TRPC7: variants seen among roughly 807,000 people sequenced by gnomAD.
TRPC7 encodes the protein short transient receptor potential channel 7.
TRPC7 carries 42 observed loss-of-function variants against 90.1 expected under a neutral mutation model. The observed-to-expected ratio is 0.47, with a 90% CI of 0.36 to 0.60. TRPC7 has a LOEUF of 0.60. TRPC7 is among the 20% of genes least tolerant of loss of function. The pLI is 0.00. For synonymous variants in TRPC7, 451 were observed against 436.3 expected (o/e 1.03, Z -0.42); for missense variants, 955 against 1,112.3 (o/e 0.86, Z 2.01).
At chr5:136,290,470 C>T (rs576902821) in intron 3 of TRPC7, among the ~76,000 whole-genome samples, 26 of 152,264 alleles carry the variant, frequency 1.7e-4, no homozygotes, top group East Asian at 9.6e-4. Flanking sequence ...CTGAAAACCA[C>T]GGCATGAGAA....
chr5:136,223,271 A>G (rs1434464131), intron 10 of TRPC7, among the ~76,000 whole-genome samples: 1 of 152,226 alleles, frequency 6.6e-6, no homozygotes, highest in Non-Finnish European at 1.5e-5. Flanking sequence ...TATGGACTCA[A>G]CCAGCGAGGA....
chr5:136,361,571 G>A (rs1050473318), intron 1 of TRPC7, among the ~76,000 whole-genome samples: 1 of 152,116 alleles, frequency 6.6e-6, no homozygotes, highest in Non-Finnish European at 1.5e-5. Context: ...AGAAATTGTG[G>A]TTAATTACTG....
At chr5:136,312,482 T>TCA (rs754050449) in intron 3 of TRPC7, among the ~76,000 whole-genome samples, 18 of 151,840 alleles carry the variant, frequency 1.2e-4, no homozygotes, top group South Asian at 2.1e-4. Flanking sequence ...ATTTGGAAGT[T>TCA]CACACACACA....
intron 7 of TRPC7, among the ~76,000 whole-genome samples, chr5:136,243,117 T>C (rs568869934): frequency 6.6e-6 from 1 of 152,294 alleles, no homozygotes; most frequent in East Asian, 1.9e-4. Flanking sequence ...TCTTTCCCTC[T>C]GTCTTAGAAT....
chr5:136,337,185 C>T (rs1759692540), intron 2 of TRPC7, among the ~76,000 whole-genome samples: 1 of 152,216 alleles, frequency 6.6e-6, no homozygotes, highest in African/African-American at 2.4e-5. Context: ...CATGAGAAAA[C>T]TCCTCAAATA....
intron 2 of TRPC7, among the ~76,000 whole-genome samples, chr5:136,336,881 TC>T (rs1759682399): frequency 6.6e-6 from 1 of 152,186 alleles, no homozygotes; most frequent in African/African-American, 2.4e-5. Context: ...GATTATTTAG[TC>T]TAAGCATCTG....
chr5:136,348,875 T>C (rs1760096172), intron 2 of TRPC7, among the ~76,000 whole-genome samples: 1 of 152,248 alleles, frequency 6.6e-6, no homozygotes, highest in South Asian at 2.1e-4. Flanking sequence ...TTAATGTATA[T>C]AGCATTGTAA....
At chr5:136,237,968 A>C (rs1401968384) in intron 7 of TRPC7, among the ~76,000 whole-genome samples, 1 of 152,112 alleles carries the variant, frequency 6.6e-6, no homozygotes, top group East Asian at 1.9e-4. Context: ...CAGGCCCTCA[A>C]GGCCCTGGGT....
chr5:136,322,957 G>C (rs1759241271), intron 2 of TRPC7, among the ~76,000 whole-genome samples: 1 of 152,152 alleles, frequency 6.6e-6, no homozygotes, highest in African/African-American at 2.4e-5. Context: ...ATAGTTCAGA[G>C]AGCAAACATT....
intron 3 of TRPC7, among the ~76,000 whole-genome samples, chr5:136,307,483 C>A (rs1758676255): frequency 6.6e-6 from 1 of 152,202 alleles, no homozygotes; most frequent in South Asian, 2.1e-4. Flanking sequence ...AGTTTTGGAA[C>A]CCCTGGTCTA....
chr5:136,303,236 C>A (rs1451650118), intron 3 of TRPC7, among the ~76,000 whole-genome samples: 1 of 152,182 alleles, frequency 6.6e-6, no homozygotes, highest in Non-Finnish European at 1.5e-5. Context: ...GTTCATGGCT[C>A]ATTTGGCAGC....
chr5:136,231,420 G>T lies in TRPC7; in HGVS notation c.1974C>A (p.Val658=). Reference sequence around the variant, plus strand: ...TGTTGAGCAACACTACCACCATGGTGACGTTATAAACGCCGTAGAGAACGT... The same window carrying T: ...TGTTGAGCAACACTACCACCATGGTTACGTTATAAACGCCGTAGAGAACGT... ...IGYVLYGVYN[V]TMVVVLLNML... The change falls in exon 8 of 12, where the codon GTC becomes GTA. Residue 658 remains valine, a synonymous_variant. Transcript: ENST00000513104. The T allele has an allele frequency of 6.2e-7, 1 of 1,612,810 alleles. No individual in the cohort carries two copies. The highest frequency in any genetic ancestry group is 1.1e-5 in the South Asian group (1 of 90,844).
At chr5:136,273,192 T>C (rs1041776030) in intron 4 of TRPC7, among the ~76,000 whole-genome samples, 1 of 151,832 alleles carries the variant, frequency 6.6e-6, no homozygotes, top group Non-Finnish European at 1.5e-5. Flanking sequence ...TAAGTGTCCC[T>C]ACTCACTGGG....
rs183874494 is a variant in TRPC7 at position 136,257,446 on chromosome 5, G to A, written c.1346-5564C>T. Among the ~76,000 whole-genome samples the A allele has an allele frequency of 3.3e-3, 507 of 152,254 alleles. 4 individuals are homozygous for A. The highest frequency in any genetic ancestry group is 0.011 in the African/African-American group (470 of 41,552). ...TCCTCCCACCTCGGCCTCCCAAAGT[G>A]CTGGGATTGCAGGCATGAGCCACCA... is the stretch of plus-strand genomic sequence containing the variant. On this transcript the variant is annotated intron_variant, in intron 5 of 11. Transcript: ENST00000513104.
intron 3 of TRPC7, among the ~76,000 whole-genome samples, chr5:136,295,608 A>G (rs1484048517): frequency 2.0e-5 from 3 of 152,092 alleles, no homozygotes; most frequent in Non-Finnish European, 4.4e-5. Flanking sequence ...TGTCTGCCTC[A>G]GCTTAACACC....
intron 2 of TRPC7, among the ~76,000 whole-genome samples, chr5:136,346,245 A>C (rs1204374383): frequency 1.3e-5 from 2 of 152,110 alleles, no homozygotes; most frequent in Non-Finnish European, 2.9e-5. Flanking sequence ...ATATATATAA[A>C]TAAAAAATTA....
Position 136,274,757 on chromosome 5 carries a change from G to A in TRPC7, c.1044C>T (p.Ile348=), listed in dbSNP as rs1158689905. Reference sequence around the variant, plus strand: ...CAAAGACAGCCAGGAATTTCACAGCGATAGACTGTTGACGTAAGCCTGAGA... The same window carrying A: ...CAAAGACAGCCAGGAATTTCACAGCAATAGACTGTTGACGTAAGCCTGAGA... ...ENLSGLRQQS[I]AVKFLAVFGV... Residue 348 remains isoleucine, a synonymous_variant, in exon 4 of 12, where the codon ATC becomes ATT. Coordinates refer to ENST00000513104, the MANE Select transcript of TRPC7 (RefSeq NM_020389.3). 7 of 1,610,268 alleles carry A rather than the reference G, an allele frequency of 4.3e-6. No homozygotes were observed. Among genetic ancestry groups the A allele is most frequent in the East Asian group, 2.2e-5 (1 of 44,754 alleles).
chr5:136,269,916 A>G (rs772684147), intron 4 of TRPC7, among the ~76,000 whole-genome samples: 10 of 152,150 alleles, frequency 6.6e-5, no homozygotes, highest in Non-Finnish European at 1.0e-4. Flanking sequence ...TAACGACTTG[A>G]TATTTCTCCA....
chr5:136,216,800 T>C (rs552950865), intron 10 of TRPC7, among the ~76,000 whole-genome samples: 23 of 152,200 alleles, frequency 1.5e-4, no homozygotes, highest in Non-Finnish European at 3.1e-4. Flanking sequence ...ACAAGTCCAC[T>C]GTACCTTGGA....
Sources: allele counts gnomAD v4.1 joint callset (sites outside exome capture counted in the v4.1 genomes callset), GRCh38; gene constraint gnomAD v4.1.1; transcripts MANE v1.5; gene names NCBI Gene and HGNC (gene_info 2026-07-23, HGNC 2026-07-21).